The following NHERF1 variants were observed in gnomAD, a reference collection of about 807,000 sequenced individuals.
NHERF1 encodes the protein Na(+)/H(+) exchange regulatory cofactor NHE-RF1.
At chr17:74,756,222 T>C in the NHERF1 span, among the ~76,000 whole-genome samples, 1 of 151,490 alleles carries the variant, frequency 6.6e-6, no homozygotes, top group Non-Finnish European at 1.5e-5. Context: ...ATGCTGGGAT[T>C]ACAGGCATGA....
At chr17:74,762,387 A>G in the NHERF1 span, among the ~76,000 whole-genome samples, 3 of 151,798 alleles carry the variant, frequency 2.0e-5, no homozygotes, top group Non-Finnish European at 2.9e-5. This position sits in a 1 kb window ranked among gnomAD's most constrained non-coding sequence, Gnocchi z 4.2. Context: ...CTCTTCTCTT[A>G]CCTCCACTCC....
chr17:74,749,382 C>A, the NHERF1 span: 2 of 1,237,832 alleles, frequency 1.6e-6, no homozygotes, highest in South Asian at 3.1e-5. The surrounding 1 kb of genome is among the most constrained non-coding windows in gnomAD (Gnocchi z 5.6). Context: ...CGCCCGCCGT[C>A]GTTTTTCTGA....
chr17:74,750,299 G>A, the NHERF1 span, among the ~76,000 whole-genome samples: 1 of 152,224 alleles, frequency 6.6e-6, no homozygotes, highest in Non-Finnish European at 1.5e-5. Context: ...TCCCCAGAGA[G>A]TGGAGTGGTG....
chr17:74,748,681 C>T, the NHERF1 span: 11 of 616,452 alleles, frequency 1.8e-5, no homozygotes, highest in Non-Finnish European at 2.8e-5. This position sits in a 1 kb window ranked among gnomAD's most constrained non-coding sequence, Gnocchi z 4.3. Flanking sequence ...CTCCTCGCGG[C>T]TCGCGGCGGC....
the NHERF1 span, among the ~76,000 whole-genome samples, chr17:74,754,038 C>A: frequency 6.6e-6 from 1 of 151,956 alleles, no homozygotes; most frequent in Non-Finnish European, 1.5e-5. Flanking sequence ...GTGGCAGGTG[C>A]CTGTAATCCC....
At chr17:74,762,300 A>T in the NHERF1 span, 8 of 477,094 alleles carry the variant, frequency 1.7e-5, no homozygotes, top group Admixed American at 2.2e-5. This position sits in a 1 kb window ranked among gnomAD's most constrained non-coding sequence, Gnocchi z 4.2. Context: ...GAGCTGCTGG[A>T]TGGATGGGTG....
chr17:74,766,077 C>G, the NHERF1 span, among the ~76,000 whole-genome samples: 1,765 of 152,278 alleles, frequency 0.012, 34 homozygotes, highest in African/African-American at 0.04. Flanking sequence ...CAGCCATCCT[C>G]GAATTTCATC....
the NHERF1 span, among the ~76,000 whole-genome samples, chr17:74,753,932 G>A: frequency 5.3e-5 from 8 of 151,948 alleles, no homozygotes; most frequent in Non-Finnish European, 1.0e-4. Context: ...GGGTGGATCA[G>A]TTGAGGTCAG....
chr17:74,755,675 G>A, the NHERF1 span, among the ~76,000 whole-genome samples: 26 of 152,212 alleles, frequency 1.7e-4, no homozygotes, highest in East Asian at 4.4e-3. Flanking sequence ...AACAGCAATG[G>A]CCAGGGGTAT....
the NHERF1 span, among the ~76,000 whole-genome samples, chr17:74,750,885 G>A: frequency 1.4e-5 from 2 of 147,564 alleles, no homozygotes; most frequent in African/African-American, 2.5e-5. Context: ...CATAGCACAC[G>A]TGCGCAAAGG....
the NHERF1 span, among the ~76,000 whole-genome samples, chr17:74,761,622 GCCC>G: frequency 1.3e-5 from 2 of 152,112 alleles, no homozygotes; most frequent in Non-Finnish European, 2.9e-5. This position sits in a 1 kb window ranked among gnomAD's most constrained non-coding sequence, Gnocchi z 4.3. Flanking sequence ...GCCACACTCT[GCCC>G]CCTCTCCAGG....
chr17:74,757,945 TC>T, the NHERF1 span, among the ~76,000 whole-genome samples: 9 of 152,198 alleles, frequency 5.9e-5, no homozygotes, highest in Non-Finnish European at 1.0e-4. Flanking sequence ...CAAGTGGTCT[TC>T]CTACTCCTCC....
the NHERF1 span, chr17:74,748,799 G>A: frequency 1.3e-6 from 2 of 1,503,064 alleles, no homozygotes; most frequent in Non-Finnish European, 1.8e-6. This position sits in a 1 kb window ranked among gnomAD's most constrained non-coding sequence, Gnocchi z 4.3. Flanking sequence ...GTCCCGTCCC[G>A]TCCCCATCGG....
chr17:74,754,399 C>CT, the NHERF1 span, among the ~76,000 whole-genome samples: 720 of 59,700 alleles, frequency 0.012, 10 homozygotes, highest in African/African-American at 0.014. Context: ...TTCTTTCTTT[C>CT]TTTTTTTTTT....
chr17:74,756,338 G>A, the NHERF1 span, among the ~76,000 whole-genome samples: 1 of 140,976 alleles, frequency 7.1e-6, no homozygotes, highest in Non-Finnish European at 1.5e-5. Context: ...GAGTGCAGTG[G>A]CGTGATCTCG....
chr17:74,757,512 C>T, the NHERF1 span, among the ~76,000 whole-genome samples: 2 of 152,216 alleles, frequency 1.3e-5, no homozygotes, highest in Admixed American at 6.5e-5. Context: ...AAGGAGAAGA[C>T]ACCTTCTGCC....
chr17:74,755,794 T>C, the NHERF1 span, among the ~76,000 whole-genome samples: 1 of 152,140 alleles, frequency 6.6e-6, no homozygotes, highest in African/African-American at 2.4e-5. Flanking sequence ...CTGGTCCACA[T>C]GCAGACGTGC....
At chr17:74,760,205 A>G in the NHERF1 span, among the ~76,000 whole-genome samples, 1 of 152,104 alleles carries the variant, frequency 6.6e-6, no homozygotes, top group Non-Finnish European at 1.5e-5. This position sits in a 1 kb window ranked among gnomAD's most constrained non-coding sequence, Gnocchi z 4.5. Context: ...AAGATCCCAC[A>G]GGGCTGTGGG....
the NHERF1 span, chr17:74,769,129 GC>G: frequency 2.3e-5 from 4 of 171,642 alleles, no homozygotes; most frequent in African/African-American, 9.6e-5. Context: ...TGTTAAGAGT[GC>G]AGTATTGCAG....
Sources: allele counts gnomAD v4.1 joint callset (sites outside exome capture counted in the v4.1 genomes callset), GRCh38; gene constraint gnomAD v4.1.1; non-coding constraint Gnocchi (gnomAD v3.1); transcripts MANE v1.5; gene names NCBI Gene and HGNC (gene_info 2026-07-23, HGNC 2026-07-21).